Variants in MYCBP2 observed in about 807,000 individuals in gnomAD.
MYCBP2 encodes MYC binding protein 2, also known as E3 ubiquitin-protein ligase MYCBP2.
A neutral mutation model predicts 525.3 loss-of-function variants in MYCBP2; 120 were observed. That is an observed-to-expected ratio of 0.23 (90% CI 0.20 to 0.27). MYCBP2 has a LOEUF of 0.27. Ranked by LOEUF, MYCBP2 falls within the 10% of genes least tolerant of loss-of-function variation. The probability of loss-of-function intolerance (pLI) is 1.00; values close to 1 mark genes in which losing one functional copy is unlikely to be tolerated. For missense variants in MYCBP2, 4,149 were observed against 5,657.1 expected (o/e 0.73, Z 8.55); for synonymous variants, 1,894 against 1,955.8 (o/e 0.97, Z 0.83).
chr13:77,131,517 A>AACACACAC (rs55921143), intron 52 of MYCBP2, among the ~76,000 whole-genome samples: 7 of 146,492 alleles, frequency 4.8e-5, no homozygotes, highest in East Asian at 4.0e-4. Context: ...CACACAAACA[A>AACACACAC]ACACACACAC....
Position 77,139,057 on chromosome 13 carries a change from C to A in MYCBP2, c.7659+139G>T, listed in dbSNP as rs182924392. On this transcript the variant is annotated intron_variant, in intron 52 of 82. Transcript: ENST00000544440. ...AACTTCACTTTCATTACACAGAAGC[C>A]CTTAAGAATTCAAGAAATTGTAAAG... The A allele has an allele frequency of 6.3e-5, 59 of 930,556 alleles. 1 individual carries two copies. Among genetic ancestry groups the A allele is most frequent in the Non-Finnish European group, 8.9e-5 (57 of 643,398 alleles). The allele number at this position is 930,556 out of a possible 1,614,324, so 57.6% of individuals were successfully genotyped here.
Position 77,243,896 on chromosome 13 carries a change from C to T in MYCBP2, c.2437G>A (p.Ala813Thr). The T allele has an allele frequency of 6.2e-7, 1 of 1,612,652 alleles. No individual in the cohort carries two copies. The highest frequency in any genetic ancestry group is 1.1e-5 in the South Asian group (1 of 90,986). ...TGACCATCTAACTCTCTTGCACAGG[C>T]CTTGCAACATCCACACACAGCACAA... is the stretch of plus-strand genomic sequence containing the variant. ...SGCAVCGCCK[A>T]CARELDGQEA... Residue 813 changes from alanine (A) to threonine (T), a missense_variant, in exon 16 of 83, where the codon GCC becomes ACC. Physicochemically the swap from Ala to Thr is moderately conservative, Grantham distance 58. This residue lies in a region of MYCBP2 where 620 missense variants were observed against 795.5 expected (regional missense o/e 0.78). Coordinates refer to ENST00000544440, the MANE Select transcript of MYCBP2 (RefSeq NM_015057.5).
At chr13:77,139,483 TC>T in intron 51 of MYCBP2, 147 bp from the exon 52 acceptor site, 1 of 792,034 alleles carries the variant, frequency 1.3e-6, no homozygotes, top group Non-Finnish European at 1.9e-6. Flanking sequence ...TGAGAGACCC[TC>T]CAGGGAAAAA....
intron 17 of MYCBP2, among the ~76,000 whole-genome samples, chr13:77,233,688 A>AGC (rs1362717934): frequency 3.9e-5 from 6 of 152,140 alleles, no homozygotes; most frequent in Admixed American, 2.0e-4. Flanking sequence ...TAAATTAACC[A>AGC]TTAAGTTTTA....
chr13:77,310,359 G>A (rs1236273899), intron 1 of MYCBP2, among the ~76,000 whole-genome samples: 5 of 151,980 alleles, frequency 3.3e-5, no homozygotes, highest in Admixed American at 3.3e-4. Flanking sequence ...ACCTACTCAG[G>A]GGTCAGCAAA....
At chr13:77,116,510 C>A (rs1460180189) in intron 55 of MYCBP2, among the ~76,000 whole-genome samples, 1 of 151,772 alleles carries the variant, frequency 6.6e-6, no homozygotes, top group East Asian at 1.9e-4. Flanking sequence ...TTTTGTGATG[C>A]TAAAGATTAA....
At position 77,058,366 on chromosome 13, in the gene MYCBP2, C is replaced by T. The variant is rs2038579902; in HGVS notation, c.13181G>A (p.Gly4394Asp). 5 of 1,613,526 alleles carry T rather than the reference C, an allele frequency of 3.1e-6. No homozygotes were observed. Among genetic ancestry groups the T allele is most frequent in the Non-Finnish European group, 4.2e-6 (5 of 1,179,728 alleles). ...GTTTTTAACACCCCCGCATGGATGG[C>T]CACAAGGATGCGTCTTACTACAGGC... Reference protein sequence around the residue: ...KIACSKTHPCGHPCGGVKNEE... With the variant: ...KIACSKTHPCDHPCGGVKNEE... The change falls in exon 78 of 83, where the codon GGC becomes GAC. Residue 4394 changes from glycine (G) to aspartate (D), a missense_variant. Around this residue, in one of 21 missense-constraint regions of MYCBP2, gnomAD observed 220 missense variants for 396.0 expected, o/e 0.56. Transcript: ENST00000544440. This position sits in a 1 kb window ranked among gnomAD's most constrained non-coding sequence, Gnocchi z 4.1.
intron 26 of MYCBP2, 35 bp downstream of exon 26, chr13:77,205,221 A>G: frequency 6.7e-7 from 1 of 1,486,882 alleles, no homozygotes; most frequent in Middle Eastern, 1.8e-4. Flanking sequence ...CAGTATGTTC[A>G]AACAAAAAAG....
chr13:77,046,940 C>T (rs562653824), intron 82 of MYCBP2, among the ~76,000 whole-genome samples: 2 of 152,318 alleles, frequency 1.3e-5, no homozygotes, highest in East Asian at 1.9e-4. Flanking sequence ...GATGGGGACA[C>T]TCAATGGCAG....
At chr13:77,156,796 T>G (rs1333590283) in intron 45 of MYCBP2, among the ~76,000 whole-genome samples, 1 of 152,250 alleles carries the variant, frequency 6.6e-6, no homozygotes, top group Non-Finnish European at 1.5e-5. Flanking sequence ...CACATTCAAG[T>G]TGTCCTGTGA....
intron 55 of MYCBP2, among the ~76,000 whole-genome samples, chr13:77,102,383 AAAAG>A: frequency 6.6e-6 from 1 of 151,832 alleles, no homozygotes; most frequent in African/African-American, 2.4e-5. Context: ...TTCTAAGAAA[AAAAG>A]AAAATCAGTA....
At chr13:77,050,769 T>C (rs2036632317) in intron 82 of MYCBP2, among the ~76,000 whole-genome samples, 1 of 152,138 alleles carries the variant, frequency 6.6e-6, no homozygotes, top group East Asian at 1.9e-4. Context: ...TCATTCTCAC[T>C]CCCCATGAGA....
intron 47 of MYCBP2, among the ~76,000 whole-genome samples, chr13:77,150,334 G>A (rs537588412): frequency 2.0e-5 from 3 of 152,208 alleles, no homozygotes; most frequent in African/African-American, 7.2e-5. Flanking sequence ...TAGAGATGGG[G>A]TCTCACTACA....
chr13:77,144,429 G>C lies in MYCBP2; in HGVS notation c.7303+16C>G, dbSNP rs758996915. On this transcript the variant is annotated intron_variant, in intron 49 of 82. Coordinates refer to ENST00000544440, the MANE Select transcript of MYCBP2 (RefSeq NM_015057.5). ...TATTTGAAGTAAGTAGTAGCTCATGGCTTTAAAGAAAATACCGATTTCAAT... is the reference window on the plus strand; with the variant it reads ...TATTTGAAGTAAGTAGTAGCTCATGCCTTTAAAGAAAATACCGATTTCAAT... 2 of 1,551,482 alleles carry C rather than the reference G, an allele frequency of 1.3e-6. No individual in the cohort carries two copies. The highest frequency in any genetic ancestry group is 1.7e-5 in the Admixed American group (1 of 59,736).
Position 77,096,378 on chromosome 13 carries a change from C to A in MYCBP2, c.9888G>T (p.Trp3296Cys). The change falls in exon 57 of 83, where the codon TGG becomes TGT. Residue 3296 changes from tryptophan (W) to cysteine (C), a missense_variant. Physicochemically the swap from Trp to Cys is radical, Grantham distance 215. Coordinates refer to ENST00000544440, the MANE Select transcript of MYCBP2 (RefSeq NM_015057.5). ...CGDGGIGGST[W>C]YLVCDRCREK... Reference sequence around the variant, plus strand: ...CTCTACAGCGATCACATACCAGATACCAAGTGCTTCCTCCTATGCCACCAT... The same window carrying A: ...CTCTACAGCGATCACATACCAGATAACAAGTGCTTCCTCCTATGCCACCAT... 1 of 1,613,532 alleles carries A rather than the reference C, an allele frequency of 6.2e-7. No homozygotes were observed. The highest frequency in any genetic ancestry group is 8.5e-7 in the Non-Finnish European group (1 of 1,179,668).
chr13:77,145,174 T>C lies in MYCBP2; in HGVS notation c.7188-614A>G, dbSNP rs1385203409. On this transcript the variant is annotated intron_variant, in intron 48 of 82. Transcript: ENST00000544440. The stretch of plus-strand genomic sequence containing the variant: ...AATTTATCCTTATTAGGCTTTTGTT[T>C]CCAACATTTCCTTACAACTGCTGAT... Among the ~76,000 whole-genome samples, 4 of 152,200 alleles carry C rather than the reference T, an allele frequency of 2.6e-5. No individual in the cohort carries two copies. The South Asian group carries it at 8.3e-4, about 32-fold the overall frequency.
Position 77,211,309 on chromosome 13 carries a change from C to T in MYCBP2, c.3274G>A (p.Ala1092Thr). Residue 1092 changes from alanine to threonine, a missense_variant, in exon 23 of 83, where the codon GCT becomes ACT. Transcript: ENST00000544440. The part of the protein sequence containing the change: ...ASKHIIGLVP[A>T]SISEPPPFKC... ...AATGGAGGAGGTTCTGATATAGAAG[C>T]AGGTACCAAGCCTTAAGAAAAAAAT... 6.9e-7 allele frequency: 1 copy of T among 1,454,526 alleles called. No homozygotes were observed. 90.1% of individuals were successfully genotyped at this position (1,454,526 alleles called of 1,614,324 possible).
rs145377950 is a variant in MYCBP2 at position 77,140,223 on chromosome 13, T to C, written c.7402-60A>G. 304 of 1,053,136 alleles carry C rather than the reference T, an allele frequency of 2.9e-4. 1 individual carries two copies. In the African/African-American group the frequency reaches 3.7e-3, roughly 13 times the overall value. The allele number at this position is 1,053,136 out of a possible 1,614,324, so 65.2% of individuals were successfully genotyped here. A position where few individuals can be genotyped will look rare whatever the true frequency, so the allele number is the denominator to read the frequency against. On this transcript the variant is annotated intron_variant, in intron 50 of 82. Transcript: ENST00000544440. ...GAACATAGAATAGAGATCTTACAAGTAGCAAGAAGTAAAATTAAGCAGGTT... is the reference window on the plus strand; with the variant it reads ...GAACATAGAATAGAGATCTTACAAGCAGCAAGAAGTAAAATTAAGCAGGTT...
rs117251882 is a variant in MYCBP2 at position 77,312,333 on chromosome 13, A to T, written c.302+14141T>A. ...TATATAGGAAAACACAAAATACTAG[A>T]TTTTTCCTCTAAGTTCTATAAAGTA... On this transcript the variant is annotated intron_variant, in intron 1 of 82. Coordinates refer to ENST00000544440, the MANE Select transcript of MYCBP2 (RefSeq NM_015057.5). Among the ~76,000 whole-genome samples the T allele has an allele frequency of 7.2e-3, 1,088 of 152,152 alleles. 5 individuals carry two copies. Among genetic ancestry groups the T allele is most frequent in the Middle Eastern group, 0.024 (7 of 294 alleles).
Sources: gnomAD v4.1 joint callset for allele counts (sites outside exome capture counted in the v4.1 genomes callset) on GRCh38, gnomAD v4.1.1 for gene constraint, gnomAD v4.1.1 regional missense constraint, Gnocchi (gnomAD v3.1) non-coding constraint, MANE v1.5 for transcripts, NCBI Gene and HGNC (gene_info 2026-07-23, HGNC 2026-07-21) for gene names.